IDO2: variants seen among roughly 807,000 people sequenced by gnomAD.
The protein encoded by IDO2 is indoleamine 2,3-dioxygenase 2, also known as indoleamine 2,3-dioxygenase-like 1 protein.
In IDO2, 46 loss-of-function variants were observed where a neutral mutation model predicts 45.1. That is an observed-to-expected ratio of 1.02 (90% CI 0.80 to 1.30). The LOEUF (loss-of-function observed/expected upper bound fraction) is 1.30. IDO2 is among the 50% of genes most tolerant of loss of function. IDO2 has a pLI of 0.00. For missense variants in IDO2, 544 were observed against 491.8 expected, an observed-to-expected ratio of 1.11 and a Z score of -1.00; for synonymous variants, 218 against 184.9, an observed-to-expected ratio of 1.18 and a Z score of -1.45.
chr8:40,013,844 G>A, intron 10 of IDO2, 131 bp downstream of exon 10: 1 of 656,028 alleles, frequency 1.5e-6, no homozygotes, highest in South Asian at 2.9e-5. Context: ...AGTCAGCCAA[G>A]AAACTGCATG....
chr8:39,971,022 C>T (rs941498935), intron 3 of IDO2, among the ~76,000 whole-genome samples: 1 of 152,118 alleles, frequency 6.6e-6, no homozygotes, highest in South Asian at 2.1e-4. Flanking sequence ...CCTTGGCCTC[C>T]CAAAGTGCTG....
chr8:39,977,097 A>G (rs955026183), intron 3 of IDO2, among the ~76,000 whole-genome samples: 6 of 152,230 alleles, frequency 3.9e-5, no homozygotes, highest in East Asian at 1.9e-4. Context: ...ATGAACTAAA[A>G]AAAATTTTAG....
chr8:39,975,159 GTTTTTTTTTTTGT>G (rs1173863493), intron 3 of IDO2, among the ~76,000 whole-genome samples: 3 of 142,518 alleles, frequency 2.1e-5, no homozygotes, highest in African/African-American at 8.0e-5. Flanking sequence ...CAACATTGGA[GTTTTTTTTTTTGT>G]TTTTTTTTTT....
chr8:39,980,081 C>G (rs539922178), intron 4 of IDO2, among the ~76,000 whole-genome samples: 1 of 152,088 alleles, frequency 6.6e-6, no homozygotes, highest in African/African-American at 2.4e-5. Flanking sequence ...GCCTTTGCCT[C>G]CTGTGCTGGG....
intron 3 of IDO2, among the ~76,000 whole-genome samples, chr8:39,966,537 C>T (rs1055360542): frequency 6.6e-6 from 1 of 152,306 alleles, no homozygotes; most frequent in African/African-American, 2.4e-5. Flanking sequence ...AACATGTGTT[C>T]TCTGGATCCT....
At position 39,988,345 on chromosome 8, in the gene IDO2, C is replaced by T. The variant is rs139029430; in HGVS notation, c.549+375C>T. 8.5e-5 allele frequency among the ~76,000 whole-genome samples: 13 copies of T among 152,058 alleles called. No individual in the cohort carries two copies. The East Asian group carries it at 2.1e-3, about 25-fold the overall frequency. On this transcript the variant is annotated intron_variant, in intron 7 of 10. Coordinates refer to ENST00000502986, the Ensembl canonical transcript of IDO2. ...ACCGGGCCTCAAACTGGAAATTCTT[C>T]AGGAGTCAGACAGGTATCAGGAAGG...
At chr8:39,940,882 A>G (rs903099009) in intron 1 of IDO2, among the ~76,000 whole-genome samples, 1 of 151,232 alleles carries the variant, frequency 6.6e-6, no homozygotes, top group Non-Finnish European at 1.5e-5. Flanking sequence ...TATCACATGC[A>G]ACTCTTAAGT....
intron 2 of IDO2, among the ~76,000 whole-genome samples, chr8:39,960,242 C>T (rs1478297098): frequency 2.6e-5 from 4 of 152,188 alleles, no homozygotes; most frequent in Non-Finnish European, 5.9e-5. Context: ...ACACCCACCC[C>T]TATCTCAACT....
At chr8:40,015,082 G>C (rs1189366244) in intron 10 of IDO2, among the ~76,000 whole-genome samples, 165 bp from the exon 11 acceptor site, 1 of 151,974 alleles carries the variant, frequency 6.6e-6, no homozygotes, top group Non-Finnish European at 1.5e-5. Context: ...CTTGAACTCA[G>C]GGGCAGAGGT....
At chr8:39,982,395 A>G (rs1808367095) in intron 4 of IDO2, among the ~76,000 whole-genome samples, 1 of 151,886 alleles carries the variant, frequency 6.6e-6, no homozygotes, top group African/African-American at 2.4e-5. Context: ...AGGTTATTTT[A>G]TATTCTATAT....
chr8:39,952,760 T>C lies in IDO2; in HGVS notation c.99+3496T>C, dbSNP rs879529688. Among the ~76,000 whole-genome samples, 5 of 150,728 alleles carry C rather than the reference T, an allele frequency of 3.3e-5. 1 individual carries two copies. The highest frequency in any genetic ancestry group is 6.4e-3 in the Middle Eastern group (2 of 314). On this transcript the variant is annotated intron_variant, in intron 2 of 10. Coordinates refer to ENST00000502986, the Ensembl canonical transcript of IDO2. ...GAAGAGAACTGAGAGAGCCCGGAAA[T>C]GAGGCTCTGGAGTTCAGATTTTTTT...
At chr8:39,973,702 C>T (rs1296858761) in intron 3 of IDO2, among the ~76,000 whole-genome samples, 1 of 151,042 alleles carries the variant, frequency 6.6e-6, no homozygotes. Flanking sequence ...GGAGTGAGAG[C>T]TGTAAAACGA....
intron 3 of IDO2, among the ~76,000 whole-genome samples, chr8:39,973,236 T>C: frequency 6.6e-6 from 1 of 152,298 alleles, no homozygotes; most frequent in African/African-American, 2.4e-5. Flanking sequence ...TTGTTTAATA[T>C]TTATAAATAT....
intron 3 of IDO2, among the ~76,000 whole-genome samples, chr8:39,978,660 A>G (rs1167334154): frequency 1.3e-5 from 2 of 152,166 alleles, no homozygotes; most frequent in Non-Finnish European, 2.9e-5. Context: ...CAGCGATAGC[A>G]AGCAGGCCAC....
At chr8:39,950,460 G>C (rs1401272682) in intron 2 of IDO2, among the ~76,000 whole-genome samples, 2 of 152,148 alleles carry the variant, frequency 1.3e-5, no homozygotes, top group South Asian at 2.1e-4. Flanking sequence ...GAACCCAGGA[G>C]GGGGAGGTTG....
chr8:39,945,778 C>G (rs1807719210), intron 1 of IDO2, among the ~76,000 whole-genome samples: 1 of 152,144 alleles, frequency 6.6e-6, no homozygotes, highest in African/African-American at 2.4e-5. Context: ...CATCACTAAT[C>G]TGCAAAAGCT....
chr8:39,934,861 A>T lies in IDO2; in HGVS notation c.-375A>T, dbSNP rs549205400. On this transcript the variant is annotated 5_prime_UTR_variant, in exon 1 of 11. It adds an upstream start codon to the 5' untranslated region. Transcript: ENST00000502986. ...ATATTGTGACTTTGCCACAGAAAGA[A>T]GATGGAGAATTTTAAAGTTGGAAAT... 1 of 434,652 alleles carries T rather than the reference A, an allele frequency of 2.3e-6. No homozygotes were observed. Among genetic ancestry groups the T allele is most frequent in the Non-Finnish European group, 4.2e-6 (1 of 238,504 alleles). 26.9% of individuals were successfully genotyped at this position (434,652 alleles called of 1,614,324 possible).
intron 9 of IDO2, among the ~76,000 whole-genome samples, chr8:40,006,074 C>G (rs1802215764): frequency 6.6e-6 from 1 of 152,298 alleles, no homozygotes; most frequent in South Asian, 2.1e-4. Flanking sequence ...AGACACTGAA[C>G]TTGCCAGCAC....
At chr8:39,996,084 A>AAAAAG (rs1563438620) in intron 8 of IDO2, among the ~76,000 whole-genome samples, 1 of 151,078 alleles carries the variant, frequency 6.6e-6, no homozygotes, top group African/African-American at 2.4e-5. Context: ...AAAAAAAAAA[A>AAAAAG]AAAAGAAAAG....
Sources: allele counts gnomAD v4.1 joint callset (sites outside exome capture counted in the v4.1 genomes callset), GRCh38; gene constraint gnomAD v4.1.1; transcripts MANE v1.5; gene names NCBI Gene and HGNC (gene_info 2026-07-23, HGNC 2026-07-21).